RYR3: variants seen among roughly 807,000 people sequenced by gnomAD.
RYR3 encodes the protein brain ryanodine receptor-calcium release channel.
In RYR3, 207 loss-of-function variants were observed where a neutral mutation model predicts 584.3. That is an observed-to-expected ratio of 0.35 (90% CI 0.32 to 0.40). The LOEUF (loss-of-function observed/expected upper bound fraction) is 0.40. Among genes scored for constraint, RYR3 ranks in the 10% least tolerant of loss-of-function variants. The pLI is 1.00. For missense variants in RYR3, 5,616 were observed against 6,089.2 expected, an observed-to-expected ratio of 0.92 and a Z score of 2.59; for synonymous variants, 2,416 against 2,248.5, an observed-to-expected ratio of 1.07 and a Z score of -2.11.
intron 1 of RYR3, among the ~76,000 whole-genome samples, chr15:33,451,320 A>T (rs1292806459): frequency 6.6e-6 from 1 of 151,940 alleles, no homozygotes; most frequent in Non-Finnish European, 1.5e-5. Context: ...CCCCTTCCCC[A>T]CTTATCTTTC....
intron 1 of RYR3, among the ~76,000 whole-genome samples, chr15:33,427,070 C>G (rs948207806): frequency 6.6e-6 from 1 of 152,192 alleles, no homozygotes; most frequent in Non-Finnish European, 1.5e-5. Flanking sequence ...GAGAGAGATG[C>G]AAACGTTTAG....
rs1403827712 is a variant in RYR3 at position 33,511,587 on chromosome 15, TTCTTTGTG to T, written c.279+7853_279+7860del. 4.0e-5 allele frequency among the ~76,000 whole-genome samples: 6 copies of T among 149,372 alleles called. No homozygotes were observed. In the East Asian group the frequency reaches 1.2e-3, roughly 29 times the overall value. On this transcript the variant is annotated intron_variant, in intron 3 of 103. Coordinates refer to ENST00000634891, the MANE Select transcript of RYR3 (RefSeq NM_001036.6). Reference sequence around the variant, plus strand: ...TTGTGAGTGTTCAGGGCAGTTTCCATTCTTTGTGTCTCTGCAATTAAAAAAAAAAAACC... The same window carrying T: ...TTGTGAGTGTTCAGGGCAGTTTCCATTCTCTGCAATTAAAAAAAAAAAACC...
chr15:33,721,937 A>G (rs144142703), intron 43 of RYR3, among the ~76,000 whole-genome samples: 1 of 152,356 alleles, frequency 6.6e-6, no homozygotes, highest in African/African-American at 2.4e-5. Context: ...AACAAATGCC[A>G]CAGAATACAA....
At chr15:33,524,771 C>T (rs528797225) in intron 3 of RYR3, among the ~76,000 whole-genome samples, 4 of 152,264 alleles carry the variant, frequency 2.6e-5, no homozygotes, top group African/African-American at 9.6e-5. Context: ...GATAGAATCT[C>T]TTCCATATGT....
intron 10 of RYR3, among the ~76,000 whole-genome samples, chr15:33,556,007 G>A (rs933668118): frequency 1.4e-5 from 2 of 146,796 alleles, no homozygotes; most frequent in Non-Finnish European, 3.0e-5. Flanking sequence ...AAACCCAAAG[G>A]TGATTCCTCA....
At chr15:33,822,938 G>C (rs751756189) in intron 80 of RYR3, 58 bp from the exon 81 acceptor site, 2 of 1,431,250 alleles carry the variant, frequency 1.4e-6, no homozygotes, top group Admixed American at 1.8e-5. Context: ...GATTAGGAGG[G>C]TCAGCTCTGT....
chr15:33,595,419 C>T (rs2059324125), intron 16 of RYR3, among the ~76,000 whole-genome samples: 1 of 152,116 alleles, frequency 6.6e-6, no homozygotes, highest in Non-Finnish European at 1.5e-5. Flanking sequence ...TCAAGAAAAC[C>T]TTGTTAATCT....
At chr15:33,614,355 A>G (rs937197378) in intron 19 of RYR3, among the ~76,000 whole-genome samples, 4 of 152,020 alleles carry the variant, frequency 2.6e-5, no homozygotes, top group Non-Finnish European at 4.4e-5. Flanking sequence ...CAAAGTCTGA[A>G]GCACATCTCT....
intron 10 of RYR3, among the ~76,000 whole-genome samples, chr15:33,561,757 A>G (rs1270149950): frequency 6.6e-6 from 1 of 152,002 alleles, no homozygotes; most frequent in Non-Finnish European, 1.5e-5. Context: ...AAGATTAGCC[A>G]GGTGCAGTGG....
At chr15:33,506,144 G>T (rs953396623) in intron 3 of RYR3, among the ~76,000 whole-genome samples, 7 of 152,120 alleles carry the variant, frequency 4.6e-5, no homozygotes, top group Admixed American at 2.6e-4. Context: ...AACTTGGTTT[G>T]TCTTAAGGGG....
At chr15:33,696,537 T>A in intron 39 of RYR3, 46 bp downstream of exon 39, 2 of 1,583,396 alleles carry the variant, frequency 1.3e-6, no homozygotes, top group Non-Finnish European at 8.6e-7. Flanking sequence ...GAGCTTTAAG[T>A]GGGAAAACTG....
chr15:33,644,580 C>T, intron 28 of RYR3, 61 bp downstream of exon 28: 2 of 1,285,816 alleles, frequency 1.6e-6, no homozygotes, highest in Non-Finnish European at 2.2e-6. Flanking sequence ...CTAAGCTTGC[C>T]CTAAGTCTCC....
Position 33,338,927 on chromosome 15 carries a change from C to A in RYR3, c.51+27831C>A, listed in dbSNP as rs563710704. 6.6e-5 allele frequency among the ~76,000 whole-genome samples: 10 copies of A among 152,280 alleles called. No individual in the cohort carries two copies. The South Asian group carries it at 1.9e-3, about 28-fold the overall frequency. On this transcript the variant is annotated intron_variant, in intron 1 of 103. Coordinates refer to ENST00000634891, the MANE Select transcript of RYR3 (RefSeq NM_001036.6). ...TATGTTATTTATGTGTACATACACA[C>A]TGTAAAACTATAAAGGAAAGCAAGA...
At chr15:33,726,846 A>T (rs1040729634) in intron 46 of RYR3, among the ~76,000 whole-genome samples, 1 of 152,268 alleles carries the variant, frequency 6.6e-6, no homozygotes, top group African/African-American at 2.4e-5. Context: ...ATGGCACACC[A>T]TTAGATTGTA....
chr15:33,854,331 T>C, intron 96 of RYR3, 58 bp from the exon 97 acceptor site: 4 of 1,414,790 alleles, frequency 2.8e-6, no homozygotes, highest in Non-Finnish European at 2.9e-6. Flanking sequence ...TCCCCCTTAT[T>C]GAGCACTTAA....
At chr15:33,379,892 C>T (rs1230166558) in intron 1 of RYR3, among the ~76,000 whole-genome samples, 2 of 152,046 alleles carry the variant, frequency 1.3e-5, no homozygotes, top group Non-Finnish European at 2.9e-5. Context: ...TGGCAAGCCC[C>T]CGGTGCAATT....
chr15:33,687,707 A>G (rs2065113638), intron 38 of RYR3, among the ~76,000 whole-genome samples: 1 of 152,230 alleles, frequency 6.6e-6, no homozygotes, highest in African/African-American at 2.4e-5. Flanking sequence ...GCTGGTACCA[A>G]AACAGATATA....
intron 50 of RYR3, 85 bp from the exon 51 acceptor site, chr15:33,739,745 TTC>T (rs2069884123): frequency 1.8e-6 from 2 of 1,139,452 alleles, no homozygotes; most frequent in South Asian, 3.3e-5. Flanking sequence ...CGTATTTTAT[TTC>T]TGTTTTCAGC....
intron 18 of RYR3, 46 bp downstream of exon 18, chr15:33,603,410 A>AT (rs763424654): frequency 2.7e-6 from 4 of 1,503,694 alleles, no homozygotes. Flanking sequence ...ACTGGAAATG[A>AT]TGGAGGCTCA....
Sources: gnomAD v4.1 joint callset for allele counts (sites outside exome capture counted in the v4.1 genomes callset) on GRCh38, gnomAD v4.1.1 for gene constraint, MANE v1.5 for transcripts, NCBI Gene and HGNC (gene_info 2026-07-23, HGNC 2026-07-21) for gene names.